DUSP11: variants seen among roughly 807,000 people sequenced by gnomAD.
The protein encoded by DUSP11 is RNA/RNP complex-1-interacting phosphatase.
A neutral mutation model predicts 41.4 loss-of-function variants in DUSP11; 27 were observed. The ratio of observed to expected loss-of-function variants is 0.65; its 90% CI spans 0.48 to 0.90. The LOEUF is 0.90. Among genes scored for constraint, DUSP11 ranks in the 40% least tolerant of loss-of-function variants. The probability of loss-of-function intolerance (pLI) is 0.00; values close to 1 mark genes in which losing one functional copy is unlikely to be tolerated. For missense variants in DUSP11, 465 were observed against 461.1 expected (o/e 1.01, Z -0.08); for synonymous variants, 188 against 159.3 (o/e 1.18, Z -1.35).
chr2:73,768,299 T>A (rs756179162), intron 5 of DUSP11: 27 of 222,946 alleles, frequency 1.2e-4, no homozygotes, highest in Admixed American at 3.3e-4. Context: ...GAATTGTAAT[T>A]GTATAGGCAT....
In DUSP11 at chr2:73,775,062, A is replaced by G. The variant is rs746196500; in HGVS notation, c.319-18T>C. 4 of 1,603,640 alleles carry G rather than the reference A, an allele frequency of 2.5e-6. No individual in the cohort carries two copies. The highest frequency in any genetic ancestry group is 3.4e-6 in the Non-Finnish European group (4 of 1,175,728). On this transcript the variant is annotated intron_variant, in intron 2 of 8. Transcript: ENST00000272444. ...TCAAAACTCTGTCACAGAGAATGAAATAAGAGCAAATATGTGCTTAAAATC... is the reference window on the plus strand; with the variant it reads ...TCAAAACTCTGTCACAGAGAATGAAGTAAGAGCAAATATGTGCTTAAAATC...
chr2:73,776,892 C>T (rs1299147009), intron 2 of DUSP11, among the ~76,000 whole-genome samples: 1 of 152,172 alleles, frequency 6.6e-6, no homozygotes, highest in Non-Finnish European at 1.5e-5. Context: ...ACGTGAAGCC[C>T]TTTTATAGGT....
intron 3 of DUSP11, 25 bp from the exon 4 acceptor site, chr2:73,773,948 G>A (rs750241463): frequency 6.5e-7 from 1 of 1,538,322 alleles, no homozygotes; most frequent in East Asian, 2.3e-5. Flanking sequence ...CATAAAAGAT[G>A]TGTATTATTT....
Position 73,779,854 on chromosome 2 carries a change from A to G in DUSP11, c.242+20T>C, listed in dbSNP as rs762788629. 6.2e-7 allele frequency: 1 copy of G among 1,612,800 alleles called. No homozygotes were observed. Among genetic ancestry groups the G allele is most frequent in the South Asian group, 1.1e-5 (1 of 91,068 alleles). On this transcript the variant is annotated intron_variant, in intron 1 of 8. Coordinates refer to ENST00000272444, the Ensembl canonical transcript of DUSP11. ...AGCCACGAGCTGGAAAGGCCACGCCAAGGGACCAAGACATACTACCTTTCG... is the reference window on the plus strand; with the variant it reads ...AGCCACGAGCTGGAAAGGCCACGCCGAGGGACCAAGACATACTACCTTTCG...
chr2:73,764,024 T>C (rs565215434), intron 8 of DUSP11, among the ~76,000 whole-genome samples: 342 of 152,372 alleles, frequency 2.2e-3, no homozygotes, highest in Non-Finnish European at 3.8e-3. Flanking sequence ...GGATTAACAC[T>C]GCAAAACATA....
At chr2:73,778,989 A>T (rs1033442249) in intron 1 of DUSP11, among the ~76,000 whole-genome samples, 1 of 152,106 alleles carries the variant, frequency 6.6e-6, no homozygotes, top group African/African-American at 2.4e-5. Flanking sequence ...CTCTACTAAA[A>T]ATACAAAAAA....
intron 4 of DUSP11, among the ~76,000 whole-genome samples, 153 bp from the exon 5 acceptor site, chr2:73,769,478 C>T (rs1365612040): frequency 6.6e-6 from 1 of 152,208 alleles, no homozygotes; most frequent in Non-Finnish European, 1.5e-5. Context: ...AAACTCACTG[C>T]TTCTGGGAAA....
chr2:73,766,628 G>T, intron 7 of DUSP11, 34 bp from the exon 8 acceptor site: 1 of 1,571,978 alleles, frequency 6.4e-7, no homozygotes, highest in Non-Finnish European at 8.6e-7. Context: ...AATATTACTG[G>T]TTTCCAAATT....
chr2:73,780,122 C>G lies in DUSP11; in HGVS notation c.-7G>C. 2 of 1,554,446 alleles carry G rather than the reference C, an allele frequency of 1.3e-6. No individual in the cohort carries two copies. The highest frequency in any genetic ancestry group is 1.7e-6 in the Non-Finnish European group (2 of 1,148,300). ...GCGTCTCGCTATTGCGCATGTGCCA[C>G]CGCCGGTCGTGATGGCGTAGCCACG... On this transcript the variant is annotated 5_prime_UTR_variant, in exon 1 of 9. Coordinates refer to ENST00000272444, the Ensembl canonical transcript of DUSP11.
chr2:73,777,330 A>T (rs918216107), intron 2 of DUSP11, among the ~76,000 whole-genome samples: 1 of 152,204 alleles, frequency 6.6e-6, no homozygotes, highest in Non-Finnish European at 1.5e-5. Flanking sequence ...ACAGCAGTTG[A>T]AAAAGGAAAT....
chr2:73,771,604 C>T (rs1052167408), intron 4 of DUSP11, among the ~76,000 whole-genome samples: 8 of 151,630 alleles, frequency 5.3e-5, no homozygotes, highest in African/African-American at 1.7e-4. Flanking sequence ...CGCCATTCCC[C>T]TGCCTCAGCC....
At chr2:73,777,765 T>C (rs1179299131) in intron 2 of DUSP11, among the ~76,000 whole-genome samples, 1 of 152,252 alleles carries the variant, frequency 6.6e-6, no homozygotes, top group African/African-American at 2.4e-5. Flanking sequence ...GATAAAAAGC[T>C]GTTCATATTT....
chr2:73,775,512 G>C (rs558614381), intron 2 of DUSP11, among the ~76,000 whole-genome samples: 1 of 148,780 alleles, frequency 6.7e-6, no homozygotes, highest in African/African-American at 2.5e-5. Flanking sequence ...ACAAGTAGCT[G>C]GGACTACAGG....
Position 73,766,296 on chromosome 2 carries a change from G to A in DUSP11, c.935+122C>T, listed in dbSNP as rs190662996. On this transcript the variant is annotated intron_variant, in intron 8 of 8. Transcript: ENST00000272444. ...TGTACTCCAGCCTGGATGACAGAGC[G>A]AGACTCTGTCTCCAAAAAAAAAAAA... 2,821 of 907,274 alleles carry A rather than the reference G, an allele frequency of 3.1e-3. 11 individuals are homozygous for A. Among genetic ancestry groups the A allele is most frequent in the South Asian group, 4.7e-3 (242 of 51,274 alleles). 56.2% of individuals were successfully genotyped at this position (907,274 alleles called of 1,614,324 possible).
At chr2:73,779,630 G>T in intron 1 of DUSP11, 1 of 608,132 alleles carries the variant, frequency 1.6e-6, no homozygotes, top group Non-Finnish European at 2.9e-6. Flanking sequence ...CAATCCTTCC[G>T]TATTTTACCT....
chr2:73,764,247 T>C (rs1259865537), intron 8 of DUSP11, among the ~76,000 whole-genome samples: 1 of 152,240 alleles, frequency 6.6e-6, no homozygotes, highest in Non-Finnish European at 1.5e-5. Flanking sequence ...ACATGTTTTT[T>C]GAAATGTTTG....
chr2:73,770,608 T>A (rs1380974802), intron 4 of DUSP11, among the ~76,000 whole-genome samples: 1 of 152,090 alleles, frequency 6.6e-6, no homozygotes, highest in African/African-American at 2.4e-5. Context: ...TCTCAACTGA[T>A]CCTCCATATG....
intron 8 of DUSP11, among the ~76,000 whole-genome samples, chr2:73,763,109 T>A (rs1351208830): frequency 6.6e-6 from 1 of 152,074 alleles, no homozygotes; most frequent in African/African-American, 2.4e-5. Flanking sequence ...ATTAAAAAAA[T>A]ACATTTCAAT....
chr2:73,774,535 C>G (rs983563568), intron 3 of DUSP11, among the ~76,000 whole-genome samples: 2 of 152,182 alleles, frequency 1.3e-5, no homozygotes, highest in African/African-American at 4.8e-5. Flanking sequence ...ACCACTAAAC[C>G]ATAATTCCCT....
Sources: gnomAD v4.1 joint callset for allele counts (sites outside exome capture counted in the v4.1 genomes callset) on GRCh38, gnomAD v4.1.1 for gene constraint, MANE v1.5 for transcripts, NCBI Gene and HGNC (gene_info 2026-07-23, HGNC 2026-07-21) for gene names.